DOCK4: variants seen among roughly 807,000 people sequenced by gnomAD.
DOCK4 encodes the protein dedicator of cytokinesis 4, also known as dedicator of cytokinesis protein 4.
DOCK4 carries 97 observed loss-of-function variants against 268.1 expected under a neutral mutation model. That is an observed-to-expected ratio of 0.36 (90% CI 0.31 to 0.43). The LOEUF is 0.43. Among genes scored for constraint, DOCK4 ranks in the 20% least tolerant of loss-of-function variants. The pLI, the probability that DOCK4 is intolerant of heterozygous loss-of-function variation, is 1.00. For missense variants in DOCK4, 2,145 were observed against 2,455.7 expected, an observed-to-expected ratio of 0.87 and a Z score of 2.67; for synonymous variants, 954 against 887.2, an observed-to-expected ratio of 1.08 and a Z score of -1.34.
At chr7:111,778,051 C>A (rs1237703629) in intron 36 of DOCK4, among the ~76,000 whole-genome samples, 2 of 152,238 alleles carry the variant, frequency 1.3e-5, no homozygotes, top group East Asian at 1.9e-4. Context: ...ATCCCCAGAG[C>A]AACCTCTGAA....
intron 17 of DOCK4, among the ~76,000 whole-genome samples, chr7:111,876,557 T>C (rs1007456267): frequency 6.6e-6 from 1 of 152,210 alleles, no homozygotes; most frequent in East Asian, 1.9e-4. Flanking sequence ...GATGTTTTCA[T>C]AGCAATTTGC....
At chr7:111,950,181 C>G (rs572046092) in intron 8 of DOCK4, among the ~76,000 whole-genome samples, 1 of 152,180 alleles carries the variant, frequency 6.6e-6, no homozygotes, top group Non-Finnish European at 1.5e-5. Context: ...CCTGCCTCAC[C>G]CTCCCAAAAT....
intron 16 of DOCK4, among the ~76,000 whole-genome samples, chr7:111,880,954 A>G (rs1471274631): frequency 6.6e-6 from 1 of 152,234 alleles, no homozygotes; most frequent in East Asian, 1.9e-4. Flanking sequence ...ATTAAATCTA[A>G]GACCTCAAAC....
intron 1 of DOCK4, among the ~76,000 whole-genome samples, chr7:112,153,843 C>A (rs1365855789): frequency 6.6e-6 from 1 of 152,170 alleles, no homozygotes; most frequent in Middle Eastern, 3.2e-3. Context: ...AGGCATCATA[C>A]CAGGTACTTC....
chr7:111,921,413 G>A (rs963265857), intron 12 of DOCK4, among the ~76,000 whole-genome samples: 1 of 152,174 alleles, frequency 6.6e-6, no homozygotes, highest in Non-Finnish European at 1.5e-5. Context: ...TTAAATTCAT[G>A]AAATTCTGCA....
At chr7:111,837,960 C>A (rs1474533280) in intron 25 of DOCK4, among the ~76,000 whole-genome samples, 1 of 151,876 alleles carries the variant, frequency 6.6e-6, no homozygotes, top group East Asian at 1.9e-4. Flanking sequence ...GTGGCACAAG[C>A]CTGTAATCCC....
intron 23 of DOCK4, among the ~76,000 whole-genome samples, chr7:111,862,404 T>C (rs963914330): frequency 7.5e-6 from 1 of 132,966 alleles, no homozygotes; most frequent in Non-Finnish European, 1.6e-5. Flanking sequence ...CAAGAAAATA[T>C]GTAAAAAATT....
At chr7:112,124,242 A>C (rs1476621158) in intron 1 of DOCK4, among the ~76,000 whole-genome samples, 1 of 152,146 alleles carries the variant, frequency 6.6e-6, no homozygotes, top group Admixed American at 6.5e-5. Flanking sequence ...GCTGGTCCTG[A>C]GTTCCTGGTC....
At chr7:111,785,379 GCCTACA>G (rs1799094872) in intron 32 of DOCK4, among the ~76,000 whole-genome samples, 1 of 152,168 alleles carries the variant, frequency 6.6e-6, no homozygotes, top group Non-Finnish European at 1.5e-5. Context: ...CCCCGTGACA[GCCTACA>G]CCTCATACTT....
chr7:112,045,128 C>A (rs951897482), intron 1 of DOCK4, among the ~76,000 whole-genome samples: 5 of 152,168 alleles, frequency 3.3e-5, no homozygotes, highest in Non-Finnish European at 7.3e-5. Context: ...GCCATTTTCC[C>A]CTTCCTCATT....
intron 25 of DOCK4, among the ~76,000 whole-genome samples, chr7:111,842,364 A>G (rs1225254712): frequency 6.6e-6 from 1 of 152,172 alleles, no homozygotes; most frequent in Non-Finnish European, 1.5e-5. Flanking sequence ...GTCCCAAAAA[A>G]CCTTATTTCT....
chr7:111,957,539 T>C (rs1796540711), intron 8 of DOCK4, among the ~76,000 whole-genome samples: 1 of 152,188 alleles, frequency 6.6e-6, no homozygotes, highest in South Asian at 2.1e-4. Flanking sequence ...ATCAGTAGAC[T>C]ACAAGCTGTG....
At chr7:111,753,884 T>C (rs545664030) in intron 42 of DOCK4, among the ~76,000 whole-genome samples, 87 of 152,352 alleles carry the variant, frequency 5.7e-4, no homozygotes, top group African/African-American at 1.8e-3. Context: ...AACATAAGAT[T>C]ACATATTCTA....
chr7:112,052,024 T>C (rs1176391574), intron 1 of DOCK4, among the ~76,000 whole-genome samples: 5 of 152,156 alleles, frequency 3.3e-5, no homozygotes, highest in Admixed American at 6.6e-5. Flanking sequence ...CAGTTCCTTA[T>C]ATAAAATGGT....
At chr7:112,031,302 G>A (rs775416193) in intron 1 of DOCK4, among the ~76,000 whole-genome samples, 152 of 152,306 alleles carry the variant, frequency 1.0e-3, no homozygotes, top group Non-Finnish European at 2.0e-3. Context: ...TTGTCTGCTG[G>A]GTTTCAGTGG....
chr7:111,873,608 T>C (rs571314868), intron 17 of DOCK4, among the ~76,000 whole-genome samples: 2 of 152,086 alleles, frequency 1.3e-5, no homozygotes, highest in African/African-American at 2.4e-5. Context: ...AACAGAAAGA[T>C]GATGAGGGAA....
rs965516175 is a variant in DOCK4, at chr7:112,046,899, A to AG, written c.38-42769dup. On this transcript the variant is annotated intron_variant, in intron 1 of 52. Transcript: ENST00000428084. ...GTTGGGAGTCTGAGGGGACCAAGGC[A>AG]GCTTAGAGTTTACAGCAGCAGCGAG... Among the ~76,000 whole-genome samples, 19 of 152,338 alleles carry AG rather than the reference A, an allele frequency of 1.2e-4. 2 individuals carry two copies. The highest frequency in any genetic ancestry group is 4.1e-4 in the African/African-American group (17 of 41,574).
intron 1 of DOCK4, among the ~76,000 whole-genome samples, chr7:112,095,942 T>G (rs539275471): frequency 6.6e-6 from 1 of 151,918 alleles, no homozygotes; most frequent in South Asian, 2.1e-4. Context: ...TACTAAAAAT[T>G]AGCCAGGCAT....
chr7:112,158,523 A>G (rs372750293), intron 1 of DOCK4, among the ~76,000 whole-genome samples: 165 of 152,302 alleles, frequency 1.1e-3, no homozygotes, highest in African/African-American at 3.8e-3. Flanking sequence ...TCATAAAATA[A>G]TCTTCAAGAT....
Sources: gnomAD v4.1 joint callset for allele counts (sites outside exome capture counted in the v4.1 genomes callset) on GRCh38, gnomAD v4.1.1 for gene constraint, MANE v1.5 for transcripts, NCBI Gene and HGNC (gene_info 2026-07-23, HGNC 2026-07-21) for gene names.